The following PTPRD variants were observed in gnomAD, a reference collection of about 807,000 sequenced individuals.
The protein encoded by PTPRD is protein tyrosine phosphatase receptor type D, also known as receptor-type tyrosine-protein phosphatase delta.
In PTPRD, 34 loss-of-function variants were observed where a neutral mutation model predicts 214.5. The ratio of observed to expected loss-of-function variants is 0.16; its 90% CI spans 0.12 to 0.21. The LOEUF (loss-of-function observed/expected upper bound fraction) is 0.21, where lower values mean the gene tolerates loss of function less well. Among genes scored for constraint, PTPRD ranks in the 10% least tolerant of loss-of-function variants. PTPRD has a pLI of 1.00. For missense variants in PTPRD, 2,545 were observed against 2,398.7 expected, an observed-to-expected ratio of 1.06 and a Z score of -1.27; for synonymous variants, 1,128 against 845.7, an observed-to-expected ratio of 1.33 and a Z score of -5.79.
At chr9:9,227,947 G>T (rs184748937) in intron 9 of PTPRD, among the ~76,000 whole-genome samples, 42 of 152,126 alleles carry the variant, frequency 2.8e-4, no homozygotes, top group African/African-American at 9.6e-4. Flanking sequence ...TAATATTTTG[G>T]TGGTAATTTG....
chr9:9,301,673 T>C (rs1258512900), intron 9 of PTPRD, among the ~76,000 whole-genome samples: 1 of 151,954 alleles, frequency 6.6e-6, no homozygotes, highest in South Asian at 2.1e-4. Flanking sequence ...CAATTGTTTA[T>C]TGCATTGAGA....
At chr9:8,580,438 C>A (rs1594415634) in intron 14 of PTPRD, among the ~76,000 whole-genome samples, 1 of 152,142 alleles carries the variant, frequency 6.6e-6, no homozygotes. Flanking sequence ...TGAGAATTTT[C>A]TTTCTTTGGT....
At chr9:9,112,321 A>G (rs950381533) in intron 10 of PTPRD, among the ~76,000 whole-genome samples, 1 of 152,156 alleles carries the variant, frequency 6.6e-6, no homozygotes, top group Non-Finnish European at 1.5e-5. Flanking sequence ...TTTTAGAGGT[A>G]GAAGTAGTTA....
intron 2 of PTPRD, among the ~76,000 whole-genome samples, chr9:10,482,124 C>A (rs1304718305): frequency 6.6e-6 from 1 of 152,112 alleles, no homozygotes; most frequent in Admixed American, 6.5e-5. Context: ...GTAATCCCAG[C>A]ATTTTGGGAG....
intron 11 of PTPRD, among the ~76,000 whole-genome samples, chr9:8,769,942 G>A (rs1031382864): frequency 1.3e-5 from 2 of 152,032 alleles, no homozygotes; most frequent in African/African-American, 4.8e-5. Context: ...GAAATGATCT[G>A]CCAAATATTA....
chr9:8,529,207 A>T (rs1425541591), intron 14 of PTPRD, among the ~76,000 whole-genome samples: 1 of 152,094 alleles, frequency 6.6e-6, no homozygotes, highest in African/African-American at 2.4e-5. Flanking sequence ...GCATTGAGGT[A>T]GGAAAGGTTT....
chr9:10,299,838 T>C (rs1242455526), intron 3 of PTPRD, among the ~76,000 whole-genome samples: 2 of 152,218 alleles, frequency 1.3e-5, no homozygotes, highest in African/African-American at 4.8e-5. Context: ...CTATAATTTA[T>C]CTCTATCACT....
chr9:9,842,612 G>GA (rs754841019), intron 5 of PTPRD, among the ~76,000 whole-genome samples: 58 of 151,008 alleles, frequency 3.8e-4, no homozygotes, highest in African/African-American at 1.4e-3. Flanking sequence ...TGATTATGAA[G>GA]AAAACTGTCC....
At chr9:9,496,439 A>G (rs1346290154) in intron 8 of PTPRD, among the ~76,000 whole-genome samples, 1 of 152,200 alleles carries the variant, frequency 6.6e-6, no homozygotes, top group South Asian at 2.1e-4. Flanking sequence ...TCCAACTAGG[A>G]TACACAAATG....
At chr9:9,863,836 G>GAA (rs34403806) in intron 5 of PTPRD, among the ~76,000 whole-genome samples, 2 of 135,584 alleles carry the variant, frequency 1.5e-5, no homozygotes, top group East Asian at 2.1e-4. Flanking sequence ...ATGCAGGACG[G>GAA]AAAAAAAAAA....
intron 9 of PTPRD, among the ~76,000 whole-genome samples, chr9:9,201,102 GTTTA>G (rs1232779572): frequency 2.0e-5 from 3 of 152,058 alleles, no homozygotes; most frequent in Admixed American, 6.6e-5. Context: ...ATGAAAAGTG[GTTTA>G]TTTGACTACA....
chr9:10,258,344 G>T (rs766787237), intron 3 of PTPRD, among the ~76,000 whole-genome samples: 4 of 152,134 alleles, frequency 2.6e-5, no homozygotes, highest in African/African-American at 9.7e-5. Context: ...CATTAATGTG[G>T]TCTCACCAGG....
At chr9:9,305,087 T>C (rs527711280) in intron 9 of PTPRD, among the ~76,000 whole-genome samples, 1 of 150,994 alleles carries the variant, frequency 6.6e-6, no homozygotes, top group Admixed American at 6.6e-5. Context: ...TTTCTGGAAA[T>C]TGGTGGAAAA....
intron 8 of PTPRD, among the ~76,000 whole-genome samples, chr9:9,490,102 T>C (rs1214535657): frequency 6.6e-6 from 1 of 152,130 alleles, no homozygotes; most frequent in Non-Finnish European, 1.5e-5. Flanking sequence ...AGTGGGTTAA[T>C]ATATTCAGAG....
chr9:9,182,719 G>C (rs1429197853), intron 10 of PTPRD, among the ~76,000 whole-genome samples: 2 of 151,966 alleles, frequency 1.3e-5, no homozygotes, highest in Non-Finnish European at 2.9e-5. Flanking sequence ...AAACAAAGCT[G>C]TGTTAATAGC....
intron 8 of PTPRD, among the ~76,000 whole-genome samples, chr9:9,464,789 T>C (rs1340489615): frequency 6.6e-6 from 1 of 152,156 alleles, no homozygotes; most frequent in Non-Finnish European, 1.5e-5. Flanking sequence ...TAACCATGAT[T>C]ATTCCTCCAG....
chr9:10,182,527 T>C (rs941563975), intron 3 of PTPRD, among the ~76,000 whole-genome samples: 2 of 152,074 alleles, frequency 1.3e-5, no homozygotes, highest in Non-Finnish European at 2.9e-5. Flanking sequence ...TTATCAGTAA[T>C]ATCTCTAAGT....
chr9:9,609,469 T>G (rs78096795), intron 7 of PTPRD, among the ~76,000 whole-genome samples: 2 of 152,074 alleles, frequency 1.3e-5, no homozygotes, highest in African/African-American at 2.4e-5. Flanking sequence ...TTTGTTGTCG[T>G]TGTTTGTTTT....
At chr9:9,481,649 A>T (rs1339299827) in intron 8 of PTPRD, among the ~76,000 whole-genome samples, 1 of 151,778 alleles carries the variant, frequency 6.6e-6, no homozygotes, top group African/African-American at 2.4e-5. Context: ...ACTTGGTAGT[A>T]TTTTTTTTAA....
Sources: gnomAD v4.1 joint callset for allele counts (sites outside exome capture counted in the v4.1 genomes callset) on GRCh38, gnomAD v4.1.1 for gene constraint, MANE v1.5 for transcripts, NCBI Gene and HGNC (gene_info 2026-07-23, HGNC 2026-07-21) for gene names.